Variants in PPP1CC observed in about 807,000 individuals in gnomAD.
PPP1CC encodes the protein serine/threonine-protein phosphatase PP1-gamma catalytic subunit.
In PPP1CC, 16 loss-of-function variants were observed where a neutral mutation model predicts 38.4. The ratio of observed to expected loss-of-function variants is 0.42; its 90% CI spans 0.28 to 0.63. The LOEUF is 0.63. PPP1CC is among the 30% of genes least tolerant of loss of function. PPP1CC has a pLI of 0.25. For missense variants in PPP1CC, 170 were observed against 391.3 expected (o/e 0.43, Z 4.77); for synonymous variants, 158 against 136.0 (o/e 1.16, Z -1.13).
chr12:110,724,954 T>C, intron 3 of PPP1CC, 190 bp from the exon 4 acceptor site: 2 of 381,734 alleles, frequency 5.2e-6, no homozygotes, highest in Non-Finnish European at 9.9e-6. Context: ...CTGGGCGTGG[T>C]GGGTCAGACC....
At chr12:110,710,717 CAAAAAAAAAAAAAA>C in the PPP1CC span, among the ~76,000 whole-genome samples, 1 of 27,898 alleles carries the variant, frequency 3.6e-5, no homozygotes, top group African/African-American at 1.4e-4. Flanking sequence ...GACTCTGTCT[CAAAAAAAAAAAAAA>C]AAAAAAAAAA....
intron 2 of PPP1CC, 128 bp from the exon 3 acceptor site, chr12:110,730,887 C>G (rs1320753556): frequency 1.6e-6 from 1 of 634,730 alleles, no homozygotes; most frequent in African/African-American, 1.8e-5. Context: ...GAGAGTTTAA[C>G]TGGGCAGCCA....
Position 110,742,659 on chromosome 12 carries a change from G to A in PPP1CC, c.49C>T (p.Leu17=). 6.9e-7 allele frequency: 1 copy of A among 1,458,306 alleles called. No individual in the cohort carries two copies. The highest frequency in any genetic ancestry group is 9.1e-7 in the Non-Finnish European group (1 of 1,096,832). 90.3% of individuals were successfully genotyped at this position (1,458,306 alleles called of 1,614,324 possible). ...CGCCCGCCGCCCCCCTTACCTTCCA[G>A]CAGCCGTTGGATAATGCTGTCGATG... ...LNIDSIIQRL[L]EVRGSKPGKN... Residue 17 remains leucine, a synonymous_variant, in exon 1 of 7, where the codon CTG becomes TTG. Coordinates refer to ENST00000335007, the MANE Select transcript of PPP1CC (RefSeq NM_002710.4).
Position 110,720,050 on chromosome 12 carries a change from C to T in PPP1CC, c.*1026G>A, listed in dbSNP as rs565622346. Reference sequence around the variant, plus strand: ...TGTGAGTTCTGTATAAACTGGTGGACAGTAAGTTAGTTCCTTTGTTTTAAC... The same window carrying T: ...TGTGAGTTCTGTATAAACTGGTGGATAGTAAGTTAGTTCCTTTGTTTTAAC... On this transcript the variant is annotated 3_prime_UTR_variant, in exon 7 of 7. Transcript: ENST00000335007. The T allele has an allele frequency of 1.7e-5, 20 of 1,210,588 alleles. No individual in the cohort carries two copies. In the South Asian group the frequency reaches 1.8e-4, roughly 11 times the overall value. The allele number at this position is 1,210,588 out of a possible 1,614,324, so 75.0% of individuals were successfully genotyped here.
intron 3 of PPP1CC, among the ~76,000 whole-genome samples, chr12:110,727,734 A>G (rs1260966243): frequency 1.3e-5 from 2 of 152,160 alleles, no homozygotes; most frequent in African/African-American, 4.8e-5. Flanking sequence ...TAATAAAATT[A>G]GTTAAGTATT....
At position 110,721,182 on chromosome 12, in the gene PPP1CC, C is replaced by T; in HGVS notation, c.883-17G>A. The T allele has an allele frequency of 4.4e-6, 7 of 1,605,850 alleles. No individual in the cohort carries two copies. Among genetic ancestry groups the T allele is most frequent in the Non-Finnish European group, 6.0e-6 (7 of 1,173,572 alleles). ...CTTTAAAATCTGGAGATTCAAAAGA[C>T]AGTTAATTTAGGAAATATACTCAAC... is the stretch of plus-strand genomic sequence containing the variant. On this transcript the variant is annotated splice_polypyrimidine_tract_variant and intron_variant, in intron 6 of 6. Coordinates refer to ENST00000335007, the MANE Select transcript of PPP1CC (RefSeq NM_002710.4).
intron 3 of PPP1CC, 180 bp from the exon 4 acceptor site, chr12:110,724,944 C>T (rs749542830): frequency 2.6e-6 from 1 of 392,004 alleles, no homozygotes; most frequent in Non-Finnish European, 4.8e-6. Context: ...AAAATAAGAG[C>T]TGGGCGTGGT....
chr12:110,737,477 C>CAAAAAAAAAAAAAAAAAAAAAAAA (rs71083137), intron 1 of PPP1CC, among the ~76,000 whole-genome samples: 9 of 42,486 alleles, frequency 2.1e-4, no homozygotes, highest in African/African-American at 7.3e-4. Flanking sequence ...AAGAAAGACT[C>CAAAAAAAAAAAAAAAAAAAAAAAA]AAAAAAAAAA....
downstream of PPP1CC, among the ~76,000 whole-genome samples, chr12:110,719,343 CAA>C (rs1228821858): frequency 6.6e-6 from 1 of 152,162 alleles, no homozygotes; most frequent in African/African-American, 2.4e-5. Flanking sequence ...CTGTGTCCTT[CAA>C]AGAGTTCCTC....
At chr12:110,712,024 C>T in the PPP1CC span, among the ~76,000 whole-genome samples, 205 of 152,156 alleles carry the variant, frequency 1.3e-3, no homozygotes, top group African/African-American at 4.4e-3. Flanking sequence ...TGATGGTGGT[C>T]CCATAAGACT....
At chr12:110,740,251 C>A (rs1034990111) in intron 1 of PPP1CC, among the ~76,000 whole-genome samples, 3 of 151,876 alleles carry the variant, frequency 2.0e-5, no homozygotes, top group Non-Finnish European at 1.5e-5. Flanking sequence ...ATACTTACAT[C>A]TTATTTAGGG....
At chr12:110,719,072 G>A (rs755641258), downstream of PPP1CC, among the ~76,000 whole-genome samples, 3 of 152,072 alleles carry the variant, frequency 2.0e-5, no homozygotes, top group African/African-American at 7.2e-5. Context: ...TGAAATCCTA[G>A]TATCAATTCA....
downstream of PPP1CC, among the ~76,000 whole-genome samples, chr12:110,715,778 T>C (rs1184310968): frequency 1.3e-5 from 2 of 151,924 alleles, no homozygotes; most frequent in Admixed American, 6.6e-5. Flanking sequence ...GTCACCACCA[T>C]GCCAGGCTAA....
chr12:110,710,285 G>A, the PPP1CC span, among the ~76,000 whole-genome samples: 5 of 152,120 alleles, frequency 3.3e-5, no homozygotes. Flanking sequence ...GCTCAGGCCT[G>A]TAATCCCAGC....
chr12:110,731,916 T>C lies in PPP1CC; in HGVS notation c.56-15A>G, dbSNP rs1444019531. ...GGACCCTCTCACTGCAAGAGAAAAA[T>C]CGCAATTAGTCCAATGAAGCCAAAA... On this transcript the variant is annotated splice_polypyrimidine_tract_variant and intron_variant, in intron 1 of 6. Coordinates refer to ENST00000335007, the MANE Select transcript of PPP1CC (RefSeq NM_002710.4). 6.2e-7 allele frequency: 1 copy of C among 1,609,512 alleles called. No homozygotes were observed. Among genetic ancestry groups the C allele is most frequent in the East Asian group, 2.2e-5 (1 of 44,742 alleles).
chr12:110,742,373 G>A (rs1389916322), intron 1 of PPP1CC, among the ~76,000 whole-genome samples: 1 of 152,154 alleles, frequency 6.6e-6, no homozygotes, highest in Non-Finnish European at 1.5e-5. Context: ...GAAACGTGGG[G>A]GTGGGGAGCG....
chr12:110,726,654 T>A (rs1271599690), intron 3 of PPP1CC: 1 of 152,184 alleles, frequency 6.6e-6, no homozygotes, highest in Non-Finnish European at 1.5e-5. Context: ...AGGATGAGTA[T>A]CCTTAATCCA....
intron 1 of PPP1CC, among the ~76,000 whole-genome samples, chr12:110,741,733 T>C (rs143366062): frequency 2.0e-5 from 3 of 152,252 alleles, no homozygotes; most frequent in East Asian, 1.9e-4. Context: ...GAAATCCAAC[T>C]GTCACTAACT....
chr12:110,733,581 T>G (rs1046904733), intron 1 of PPP1CC, among the ~76,000 whole-genome samples: 3 of 152,200 alleles, frequency 2.0e-5, no homozygotes, highest in African/African-American at 7.2e-5. Flanking sequence ...GGTGGGGACA[T>G]TCAGAGATCA....
Sources: gnomAD v4.1 joint callset for allele counts (sites outside exome capture counted in the v4.1 genomes callset) on GRCh38, gnomAD v4.1.1 for gene constraint, MANE v1.5 for transcripts, NCBI Gene and HGNC (gene_info 2026-07-23, HGNC 2026-07-21) for gene names.